Variants in PCLO observed in about 807,000 individuals in gnomAD.
The protein encoded by PCLO is piccolo presynaptic cytomatrix protein, also known as protein piccolo.
Under a neutral mutation model 427.5 loss-of-function variants are expected in PCLO, and 82 were observed. That is an observed-to-expected ratio of 0.19 (90% confidence interval 0.16 to 0.23). The LOEUF (loss-of-function observed/expected upper bound fraction) is 0.23. PCLO is among the 10% of genes least tolerant of loss of function. PCLO has a pLI of 1.00. For synonymous variants in PCLO, 2,357 were observed against 2,155.4 expected (o/e 1.09, Z -2.59); for missense variants, 6,239 against 6,115.9 (o/e 1.02, Z -0.67).
chr7:82,780,291 A>C (rs1189201364), intron 22 of PCLO, among the ~76,000 whole-genome samples: 1 of 152,344 alleles, frequency 6.6e-6, no homozygotes, highest in East Asian at 1.9e-4. Flanking sequence ...ATTGCCATTA[A>C]AGTTGAAATT....
intron 3 of PCLO, among the ~76,000 whole-genome samples, chr7:83,046,081 G>A (rs1789097406): frequency 1.3e-5 from 2 of 152,008 alleles, no homozygotes; most frequent in Admixed American, 6.6e-5. Context: ...AGTCTGTGAT[G>A]TTTGTACCCT....
chr7:82,775,796 C>A (rs1343405059), intron 22 of PCLO, among the ~76,000 whole-genome samples: 1 of 152,034 alleles, frequency 6.6e-6, no homozygotes, highest in Non-Finnish European at 1.5e-5. Flanking sequence ...TCTAGATTTT[C>A]TCCTATGTTA....
intron 20 of PCLO, among the ~76,000 whole-genome samples, chr7:82,812,628 T>C (rs892013754): frequency 6.6e-6 from 1 of 151,552 alleles, no homozygotes. Context: ...TATGTTCGAA[T>C]AAATAGAATG....
chr7:82,858,670 A>G (rs909101349), intron 10 of PCLO, among the ~76,000 whole-genome samples: 1 of 152,158 alleles, frequency 6.6e-6, no homozygotes, highest in Non-Finnish European at 1.5e-5. Flanking sequence ...ATGCACTTCT[A>G]AACACTGACA....
At chr7:83,142,741 C>T (rs1791892849) in intron 2 of PCLO, among the ~76,000 whole-genome samples, 1 of 152,074 alleles carries the variant, frequency 6.6e-6, no homozygotes, top group Non-Finnish European at 1.5e-5. Flanking sequence ...GGCGGATCAC[C>T]TGAGGTCAGG....
chr7:82,770,898 A>G (rs1307886505), intron 22 of PCLO, among the ~76,000 whole-genome samples: 1 of 151,972 alleles, frequency 6.6e-6, no homozygotes, highest in Non-Finnish European at 1.5e-5. Flanking sequence ...TACAAAGGCT[A>G]TATTAAAGCC....
At chr7:83,136,687 C>T (rs1310441748) in intron 2 of PCLO, among the ~76,000 whole-genome samples, 1 of 151,964 alleles carries the variant, frequency 6.6e-6, no homozygotes, top group East Asian at 1.9e-4. Context: ...TATGAAGATA[C>T]TTGAAAAAGC....
intron 20 of PCLO, chr7:82,822,120 T>C: frequency 1.9e-6 from 2 of 1,041,572 alleles, no homozygotes; most frequent in Non-Finnish European, 2.3e-6. Context: ...GTATAAGTCC[T>C]GGAAAACTGG....
At chr7:83,050,140 C>T (rs946437739) in intron 3 of PCLO, among the ~76,000 whole-genome samples, 4 of 128,096 alleles carry the variant, frequency 3.1e-5, no homozygotes, top group Admixed American at 9.3e-5. Context: ...CAATCTGGGT[C>T]GGAAAGCCAG....
At chr7:82,892,562 C>A (rs545639011) in intron 9 of PCLO, among the ~76,000 whole-genome samples, 12 of 151,606 alleles carry the variant, frequency 7.9e-5, no homozygotes, top group African/African-American at 1.5e-4. Flanking sequence ...GCAACAAAAG[C>A]CAAAATTGAC....
Position 82,847,127 on chromosome 7 carries a change from G to A in PCLO, c.13763+12C>T, listed in dbSNP as rs1211127042. On this transcript the variant is annotated intron_variant, in intron 11 of 24. Transcript: ENST00000333891. ...CCAAAAAATGGAAACAGAAAGATGG[G>A]GAAAAACTCACAGTCTTACACATAT... 2 of 1,444,656 alleles carry A rather than the reference G, an allele frequency of 1.4e-6. No individual in the cohort carries two copies. The highest frequency in any genetic ancestry group is 1.9e-6 in the Non-Finnish European group (2 of 1,034,076). 89.5% of individuals were successfully genotyped at this position (1,444,656 alleles called of 1,614,324 possible). A position where few individuals can be genotyped will look rare whatever the true frequency, so the allele number is the denominator to read the frequency against.
intron 20 of PCLO, among the ~76,000 whole-genome samples, chr7:82,806,516 T>G (rs1283829358): frequency 6.6e-6 from 1 of 152,168 alleles, no homozygotes; most frequent in Non-Finnish European, 1.5e-5. Flanking sequence ...GTGCAATAAA[T>G]TATGCAGTAG....
At chr7:82,908,761 A>G in intron 8 of PCLO, 116 bp downstream of exon 8, 3 of 912,294 alleles carry the variant, frequency 3.3e-6, no homozygotes, top group Middle Eastern at 3.1e-4. Flanking sequence ...GGAAAAAATC[A>G]TTTGTGAAAT....
intron 3 of PCLO, among the ~76,000 whole-genome samples, chr7:83,079,463 A>C (rs1213469312): frequency 1.3e-5 from 2 of 150,912 alleles, no homozygotes; most frequent in Non-Finnish European, 3.0e-5. Context: ...AAGAAGAAGA[A>C]GAAGAAAAGA....
chr7:82,857,907 TAAA>T (rs1242590711), intron 10 of PCLO, among the ~76,000 whole-genome samples: 3 of 152,108 alleles, frequency 2.0e-5, no homozygotes, highest in African/African-American at 7.2e-5. Flanking sequence ...TTGTTATGTA[TAAA>T]AATGTTAATT....
chr7:83,085,661 G>A (rs1353689581), intron 3 of PCLO, among the ~76,000 whole-genome samples: 1 of 152,012 alleles, frequency 6.6e-6, no homozygotes, highest in Non-Finnish European at 1.5e-5. Flanking sequence ...TCTAATGTTT[G>A]AAAAATTCAG....
chr7:83,007,833 T>C lies in PCLO; in HGVS notation c.3301-41346A>G, dbSNP rs558274859. Among the ~76,000 whole-genome samples the C allele has an allele frequency of 1.5e-4, 22 of 151,478 alleles. No individual in the cohort carries two copies. The South Asian group carries it at 3.5e-3, about 24-fold the overall frequency. ...AGGGCATGTTATCTACTTCAGAGAG[T>C]TGTTATTAGGATTATGTGATAAAAT... On this transcript the variant is annotated intron_variant, in intron 3 of 24. Coordinates refer to ENST00000333891, the MANE Select transcript of PCLO (RefSeq NM_033026.6).
chr7:82,825,018 CT>C (rs1467239867), intron 18 of PCLO, among the ~76,000 whole-genome samples: 1 of 151,994 alleles, frequency 6.6e-6, no homozygotes, highest in African/African-American at 2.4e-5. Flanking sequence ...GACTAGCAAC[CT>C]TGAAAAATGT....
chr7:83,020,521 C>A (rs1788317042), intron 3 of PCLO, among the ~76,000 whole-genome samples: 2 of 152,070 alleles, frequency 1.3e-5, no homozygotes, highest in African/African-American at 4.8e-5. Flanking sequence ...CACTTTCTGC[C>A]ATGTGAGGGC....
Sources: allele counts gnomAD v4.1 joint callset (sites outside exome capture counted in the v4.1 genomes callset), GRCh38; gene constraint gnomAD v4.1.1; transcripts MANE v1.5; gene names NCBI Gene and HGNC (gene_info 2026-07-23, HGNC 2026-07-21).